The following LRMDA variants were observed in gnomAD, a reference collection of about 807,000 sequenced individuals.
The protein encoded by LRMDA is leucine-rich melanocyte differentiation-associated protein.
Under a neutral mutation model 29.8 loss-of-function variants are expected in LRMDA, and 18 were observed. That is an observed-to-expected ratio of 0.60 (90% CI 0.42 to 0.90). The LOEUF (loss-of-function observed/expected upper bound fraction) is 0.90. Among genes scored for constraint, LRMDA ranks in the 40% least tolerant of loss-of-function variants. The pLI is 0.00. For synonymous variants in LRMDA, 125 were observed against 109.4 expected (o/e 1.14, Z -0.89); for missense variants, 273 against 273.9 (o/e 1.00, Z 0.02).
At chr10:75,557,845 C>T (rs145770281) in intron 2 of LRMDA, among the ~76,000 whole-genome samples, 17 of 152,338 alleles carry the variant, frequency 1.1e-4, no homozygotes, top group African/African-American at 4.1e-4. Flanking sequence ...TTAAGTCCCA[C>T]TGTCTTCCAT....
intron 2 of LRMDA, among the ~76,000 whole-genome samples, chr10:75,723,206 G>GA (rs1842589945): frequency 6.6e-6 from 1 of 152,194 alleles, no homozygotes; most frequent in Admixed American, 6.5e-5. Flanking sequence ...ATTTGCTTGG[G>GA]AGCAGCCTGT....
Position 75,815,388 on chromosome 10 carries a change from A to T in LRMDA, c.132-220620A>T, listed in dbSNP as rs1217046486. ...AGAGTAATAATTACAGTTGTGGTGG[A>T]TGTGATTAGTACTCACCAATATTTC... On this transcript the variant is annotated intron_variant, in intron 2 of 6. Transcript: ENST00000611255. Among the ~76,000 whole-genome samples, 6 of 152,322 alleles carry T rather than the reference A, an allele frequency of 3.9e-5. No individual in the cohort carries two copies. The East Asian group carries it at 7.7e-4, about 20-fold the overall frequency.
At chr10:75,748,409 GA>G (rs972362357) in intron 2 of LRMDA, among the ~76,000 whole-genome samples, 4 of 152,006 alleles carry the variant, frequency 2.6e-5, no homozygotes, top group African/African-American at 7.2e-5. Context: ...AGTGATTTAA[GA>G]AAAAAATTTA....
At position 76,557,461 on chromosome 10, in the gene LRMDA, C is replaced by G. The variant is rs1183494648; in HGVS notation, c.*173C>G. On this transcript the variant is annotated 3_prime_UTR_variant, in exon 7 of 7. Coordinates refer to ENST00000611255, the MANE Select transcript of LRMDA (RefSeq NM_001305581.2). ...ACTTTGCCAGGCCTGTCAAGATGAT[C>G]CTTCTGCCTTAGACTGAGTGGTCAC... is the stretch of plus-strand genomic sequence containing the variant. 5 of 626,230 alleles carry G rather than the reference C, an allele frequency of 8.0e-6. No individual in the cohort carries two copies. The highest frequency in any genetic ancestry group is 1.4e-5 in the Non-Finnish European group (5 of 355,420). 38.8% of individuals were successfully genotyped at this position (626,230 alleles called of 1,614,324 possible).
chr10:76,433,435 G>T (rs935320707), intron 6 of LRMDA, among the ~76,000 whole-genome samples: 1 of 152,190 alleles, frequency 6.6e-6, no homozygotes, highest in Admixed American at 6.5e-5. Context: ...CAGCTAATAA[G>T]TGTTGTTAGT....
At chr10:75,495,985 CA>C (rs1368683894) in intron 2 of LRMDA, among the ~76,000 whole-genome samples, 1 of 152,198 alleles carries the variant, frequency 6.6e-6, no homozygotes, top group African/African-American at 2.4e-5. Flanking sequence ...TGTCCTTTGG[CA>C]GCAGTGGAGT....
chr10:76,159,578 G>T (rs967616879), intron 5 of LRMDA, among the ~76,000 whole-genome samples: 1 of 152,118 alleles, frequency 6.6e-6, no homozygotes, highest in Non-Finnish European at 1.5e-5. Context: ...AGAAACTTGC[G>T]TTCAGGTGCT....
chr10:75,543,617 G>A (rs1409557993), intron 2 of LRMDA, among the ~76,000 whole-genome samples: 2 of 151,942 alleles, frequency 1.3e-5, no homozygotes, highest in Non-Finnish European at 2.9e-5. Flanking sequence ...ACTCTCTATG[G>A]GAACATCAGA....
intron 2 of LRMDA, among the ~76,000 whole-genome samples, chr10:75,640,643 C>T (rs1841440987): frequency 1.3e-5 from 2 of 152,326 alleles, no homozygotes; most frequent in East Asian, 1.9e-4. Context: ...GGCCCCTCTC[C>T]CATCTGCAGC....
chr10:75,960,171 T>C (rs1846739124), intron 2 of LRMDA, among the ~76,000 whole-genome samples: 1 of 152,208 alleles, frequency 6.6e-6, no homozygotes, highest in Admixed American at 6.5e-5. Context: ...TGAGTGGCTA[T>C]TAGCTGGATA....
chr10:76,054,793 T>C (rs1019269741), intron 4 of LRMDA, among the ~76,000 whole-genome samples: 28 of 149,974 alleles, frequency 1.9e-4, no homozygotes, highest in African/African-American at 4.9e-4. Context: ...TACTGGAGGA[T>C]AGAAAAGATA....
chr10:75,527,395 A>G (rs1460060600), intron 2 of LRMDA, among the ~76,000 whole-genome samples: 1 of 152,094 alleles, frequency 6.6e-6, no homozygotes, highest in Admixed American at 6.5e-5. Context: ...AATTTTTTGG[A>G]TGTATGCCTA....
At chr10:76,523,311 G>T (rs986336417) in intron 6 of LRMDA, among the ~76,000 whole-genome samples, 2 of 152,050 alleles carry the variant, frequency 1.3e-5, no homozygotes, top group African/African-American at 4.8e-5. Context: ...TTCCACTGGG[G>T]TGCTTATTCC....
intron 2 of LRMDA, among the ~76,000 whole-genome samples, chr10:75,608,980 C>T (rs1000438248): frequency 1.3e-5 from 2 of 152,198 alleles, no homozygotes; most frequent in African/African-American, 4.8e-5. Flanking sequence ...ACTATACTCA[C>T]TCTCGTCACC....
At chr10:75,515,209 G>T (rs1845276461) in intron 2 of LRMDA, among the ~76,000 whole-genome samples, 1 of 152,162 alleles carries the variant, frequency 6.6e-6, no homozygotes, top group Non-Finnish European at 1.5e-5. Flanking sequence ...GTAGTTGCCA[G>T]GGGCTGGTGG....
At chr10:76,021,828 G>C (rs1197383734) in intron 2 of LRMDA, among the ~76,000 whole-genome samples, 1 of 152,172 alleles carries the variant, frequency 6.6e-6, no homozygotes, top group Admixed American at 6.5e-5. Context: ...TTAGTAATGA[G>C]TGACTTTCCT....
intron 5 of LRMDA, among the ~76,000 whole-genome samples, chr10:76,132,792 C>T (rs1850016777): frequency 6.6e-6 from 1 of 151,342 alleles, no homozygotes. Flanking sequence ...ATTTCACCAG[C>T]TGACAAGCAC....
intron 5 of LRMDA, among the ~76,000 whole-genome samples, chr10:76,315,273 AG>A (rs1456063164): frequency 1.3e-5 from 2 of 152,342 alleles, no homozygotes; most frequent in East Asian, 1.9e-4. Context: ...GGTGGGAGCC[AG>A]GAACAGACAA....
intron 5 of LRMDA, among the ~76,000 whole-genome samples, chr10:76,262,280 C>T (rs756721117): frequency 9.9e-5 from 15 of 152,046 alleles, no homozygotes; most frequent in South Asian, 2.1e-4. Context: ...CAGGAATCAC[C>T]GGGGTTCTCA....
Sources: gnomAD v4.1 joint callset for allele counts (sites outside exome capture counted in the v4.1 genomes callset) on GRCh38, gnomAD v4.1.1 for gene constraint, MANE v1.5 for transcripts, NCBI Gene and HGNC (gene_info 2026-07-23, HGNC 2026-07-21) for gene names.